PCDHGB4: variants seen among roughly 807,000 people sequenced by gnomAD.
PCDHGB4 encodes protocadherin gamma-B4.
A neutral mutation model predicts 60.5 loss-of-function variants in PCDHGB4; 38 were observed. The ratio of observed to expected loss-of-function variants is 0.63; its 90% CI spans 0.48 to 0.82. The LOEUF (loss-of-function observed/expected upper bound fraction) is 0.82, where lower values mean the gene tolerates loss of function less well. Ranked by LOEUF, PCDHGB4 falls within the 40% of genes least tolerant of loss-of-function variation. The pLI is 0.00. For missense variants in PCDHGB4, 1,109 were observed against 1,209.6 expected (o/e 0.92, Z 1.23); for synonymous variants, 456 against 509.7 (o/e 0.89, Z 1.42).
rs762314174 is a variant in PCDHGB4, at chr5:141,404,905, GCC to G, written c.2397+14628_2397+14629del. The G allele has an allele frequency of 1.9e-6, 3 of 1,613,910 alleles. No homozygotes were observed. In the South Asian group the frequency reaches 3.3e-5, roughly 18 times the overall value. On this transcript the variant is annotated intron_variant, in intron 1 of 3. Coordinates refer to ENST00000519479, the MANE Select transcript of PCDHGB4 (RefSeq NM_003736.4). ...TGGTGGCTGTACAGGACCATGGCCA[GCC>G]CCCTCTCTCGGCCACTGTCACGCTC...
chr5:141,394,321 C>G (rs11575959), intron 1 of PCDHGB4: 43,282 of 1,613,954 alleles, frequency 0.027, 850 homozygotes, highest in African/African-American at 0.092. Flanking sequence ...CCCCTGTCCT[C>G]GTATATCTCC....
chr5:141,404,169 C>T (rs199556803), intron 1 of PCDHGB4: 118 of 1,612,734 alleles, frequency 7.3e-5, no homozygotes, highest in Non-Finnish European at 8.8e-5. Flanking sequence ...AGATTGTTGA[C>T]GGCCCAAATT....
chr5:141,453,721 A>G (rs373983847), intron 1 of PCDHGB4, among the ~76,000 whole-genome samples: 4 of 152,244 alleles, frequency 2.6e-5, no homozygotes, highest in East Asian at 1.9e-4. Flanking sequence ...CTATAAAAAT[A>G]TTTGTTACTA....
chr5:141,408,509 G>T, intron 1 of PCDHGB4: 1 of 1,614,048 alleles, frequency 6.2e-7, no homozygotes, highest in Non-Finnish European at 8.5e-7. Flanking sequence ...AAGAAGATGT[G>T]AGTTGCAATT....
chr5:141,423,744 A>T, intron 1 of PCDHGB4: 4 of 429,458 alleles, frequency 9.3e-6, no homozygotes, highest in Non-Finnish European at 8.7e-6. Context: ...TGTTATGAAA[A>T]CTGTTTGGGG....
At chr5:141,409,897 A>C (rs549955923) in intron 1 of PCDHGB4, 1 of 1,613,086 alleles carries the variant, frequency 6.2e-7, no homozygotes, top group Non-Finnish European at 8.5e-7. Context: ...TGCTGTACCC[A>C]GCTCTGGGTC....
At position 141,477,744 on chromosome 5, in the gene PCDHGB4, G is replaced by A; in HGVS notation, c.2398-17063G>A. On this transcript the variant is annotated intron_variant, in intron 1 of 3. Coordinates refer to ENST00000519479, the MANE Select transcript of PCDHGB4 (RefSeq NM_003736.4). The surrounding 1 kb of genome is among the most constrained non-coding windows in gnomAD (Gnocchi z 4.9). Reference sequence around the variant, plus strand: ...TTAACAGCTCATATCAGCGATGGGGGCACCCCGGTCCTAGCCACCAACATC... The same window carrying A: ...TTAACAGCTCATATCAGCGATGGGGACACCCCGGTCCTAGCCACCAACATC... 6.2e-7 allele frequency: 1 copy of A among 1,613,778 alleles called. No homozygotes were observed. The highest frequency in any genetic ancestry group is 8.5e-7 in the Non-Finnish European group (1 of 1,180,028).
chr5:141,476,281 T>G lies in PCDHGB4; in HGVS notation c.2398-18526T>G. On this transcript the variant is annotated intron_variant, in intron 1 of 3. Coordinates refer to ENST00000519479, the MANE Select transcript of PCDHGB4 (RefSeq NM_003736.4). This position sits in a 1 kb window ranked among gnomAD's most constrained non-coding sequence, Gnocchi z 7.6. ...TGGGCAACGTGGTCGCGAACCTTGGTTTGGATCTCGGTAGCCTCTCAGCCC... is the reference window on the plus strand; with the variant it reads ...TGGGCAACGTGGTCGCGAACCTTGGGTTGGATCTCGGTAGCCTCTCAGCCC... 1 of 1,614,048 alleles carries G rather than the reference T, an allele frequency of 6.2e-7. No homozygotes were observed. The highest frequency in any genetic ancestry group is 1.1e-5 in the South Asian group (1 of 91,062).
At chr5:141,482,442 C>A (rs942933015) in intron 1 of PCDHGB4, among the ~76,000 whole-genome samples, 23 of 147,678 alleles carry the variant, frequency 1.6e-4, no homozygotes, top group African/African-American at 5.6e-4. Context: ...CTGATATTCA[C>A]CATTTATTAG....
intron 1 of PCDHGB4, among the ~76,000 whole-genome samples, chr5:141,456,985 A>C (rs2098902590): frequency 6.6e-6 from 1 of 152,204 alleles, no homozygotes; most frequent in Non-Finnish European, 1.5e-5. Context: ...ACAAACAAAC[A>C]AACAAAAACT....
chr5:141,480,336 G>A (rs755963190), intron 1 of PCDHGB4, among the ~76,000 whole-genome samples: 1 of 151,988 alleles, frequency 6.6e-6, no homozygotes, highest in Non-Finnish European at 1.5e-5. Flanking sequence ...AATTGCTTGA[G>A]CCTGGGAGGT....
intron 1 of PCDHGB4, chr5:141,393,975 G>C (rs2092889131): frequency 6.2e-7 from 1 of 1,613,680 alleles, no homozygotes; most frequent in Admixed American, 1.7e-5. Context: ...TTACACACGT[G>C]ATAATTTACC....
In PCDHGB4 at chr5:141,489,984, T is replaced by C; in HGVS notation, c.2398-4823T>C. The C allele has an allele frequency of 1.2e-6, 2 of 1,614,212 alleles. No homozygotes were observed. Among genetic ancestry groups the C allele is most frequent in the South Asian group, 1.1e-5 (1 of 91,090 alleles). ...CAACCTTCCAATCCTCAGTTCTACG[T>C]GTGGGAATCCCAGAGAATGCACCCA... On this transcript the variant is annotated intron_variant, in intron 1 of 3. Transcript: ENST00000519479. The surrounding 1 kb of genome is among the most constrained non-coding windows in gnomAD (Gnocchi z 4.5).
At chr5:141,410,393 C>G in intron 1 of PCDHGB4, 3 of 1,614,046 alleles carry the variant, frequency 1.9e-6, no homozygotes, top group Non-Finnish European at 2.5e-6. Flanking sequence ...CCATCCTGGT[C>G]TCTGTGTCAA....
chr5:141,489,040 C>G lies in PCDHGB4; in HGVS notation c.2398-5767C>G. On this transcript the variant is annotated intron_variant, in intron 1 of 3. Coordinates refer to ENST00000519479, the MANE Select transcript of PCDHGB4 (RefSeq NM_003736.4). This position sits in a 1 kb window ranked among gnomAD's most constrained non-coding sequence, Gnocchi z 4.5. ...CCTCTCCTCCTCCAGCTCCCCAGCT[C>G]CACTCAAATTCAGCTCCCCTCCCCC... 1 of 479,752 alleles carries G rather than the reference C, an allele frequency of 2.1e-6. No homozygotes were observed. The highest frequency in any genetic ancestry group is 3.6e-6 in the Non-Finnish European group (1 of 274,204). 29.7% of individuals were successfully genotyped at this position (479,752 alleles called of 1,614,324 possible). A position where few individuals can be genotyped will look rare whatever the true frequency, so the allele number is the denominator to read the frequency against.
At chr5:141,472,855 A>C (rs1179268125) in intron 1 of PCDHGB4, among the ~76,000 whole-genome samples, 3 of 151,078 alleles carry the variant, frequency 2.0e-5, no homozygotes, top group African/African-American at 7.3e-5. Flanking sequence ...GCATGGTGGC[A>C]CATGCCTGTA....
chr5:141,393,366 G>A (rs998330932), intron 1 of PCDHGB4: 1 of 1,613,874 alleles, frequency 6.2e-7, no homozygotes, highest in African/African-American at 1.3e-5. Context: ...CGTGCAGACT[G>A]GAGACAATGG....
Position 141,477,918 on chromosome 5 carries a change from G to A in PCDHGB4, c.2398-16889G>A. 1 of 1,614,154 alleles carries A rather than the reference G, an allele frequency of 6.2e-7. No individual in the cohort carries two copies. Among genetic ancestry groups the A allele is most frequent in the Admixed American group, 1.7e-5 (1 of 60,026 alleles). ...GTGGTAGGCTGGGACGCGGATGCAG[G>A]GCACAATGCCTGGCTCTCCTACAGT... is the stretch of plus-strand genomic sequence containing the variant. On this transcript the variant is annotated intron_variant, in intron 1 of 3. Coordinates refer to ENST00000519479, the MANE Select transcript of PCDHGB4 (RefSeq NM_003736.4). The surrounding 1 kb of genome is among the most constrained non-coding windows in gnomAD (Gnocchi z 4.9).
In PCDHGB4 at chr5:141,388,893, G is replaced by C; in HGVS notation, c.1009G>C (p.Asp337His). The C allele has an allele frequency of 1.2e-6, 2 of 1,613,982 alleles. No individual in the cohort carries two copies. Among genetic ancestry groups the C allele is most frequent in the South Asian group, 2.2e-5 (2 of 91,084 alleles). ...ATGCACAGTGGAGGTAGAAGTCATAGATGAAAATGACAACGCCCCAGAAGT... is the reference window on the plus strand; with the variant it reads ...ATGCACAGTGGAGGTAGAAGTCATACATGAAAATGACAACGCCCCAGAAGT... The part of the protein sequence containing the change: ...AQCTVEVEVI[D>H]ENDNAPEVIF... Residue 337 changes from aspartate (D) to histidine (H), a missense_variant, in exon 1 of 4, where the codon GAT becomes CAT. By Grantham distance (81) the Asp-to-His change is moderately conservative. Coordinates refer to ENST00000519479, the MANE Select transcript of PCDHGB4 (RefSeq NM_003736.4).
Sources: gnomAD v4.1 joint callset for allele counts (sites outside exome capture counted in the v4.1 genomes callset) on GRCh38, gnomAD v4.1.1 for gene constraint, Gnocchi (gnomAD v3.1) non-coding constraint, MANE v1.5 for transcripts, NCBI Gene and HGNC (gene_info 2026-07-23, HGNC 2026-07-21) for gene names.